The following RMDN2 variants were observed in gnomAD, a reference collection of about 807,000 sequenced individuals.
RMDN2 encodes regulator of microtubule dynamics protein 2.
RMDN2 carries 61 observed loss-of-function variants against 52.8 expected under a neutral mutation model. The observed-to-expected ratio is 1.16, with a 90% CI of 0.94 to 1.43. The LOEUF (loss-of-function observed/expected upper bound fraction) is 1.43, where lower values mean the gene tolerates loss of function less well. Ranked by LOEUF, RMDN2 falls within the 40% of genes most tolerant of loss-of-function variation. RMDN2 has a pLI of 0.00. For missense variants in RMDN2, 592 were observed against 475.3 expected (o/e 1.25, Z -2.28); for synonymous variants, 180 against 153.1 (o/e 1.18, Z -1.30).
rs566792277 is a variant in RMDN2, at chr2:37,925,695, G to T, written c.-17+270G>T. On this transcript the variant is annotated intron_variant, in intron 1 of 10. Transcript: ENST00000354545. Reference sequence around the variant, plus strand: ...GGTCGCTGGTATTTCCTCGCACGCGGACCCTTCTGGGGTGCGTGGGGAACA... The same window carrying T: ...GGTCGCTGGTATTTCCTCGCACGCGTACCCTTCTGGGGTGCGTGGGGAACA... 3.9e-5 allele frequency among the ~76,000 whole-genome samples: 6 copies of T among 152,360 alleles called. No homozygotes were observed. In the East Asian group the frequency reaches 1.2e-3, roughly 29 times the overall value.
At chr2:37,937,788 G>A (rs974649874) in intron 2 of RMDN2, among the ~76,000 whole-genome samples, 1 of 152,090 alleles carries the variant, frequency 6.6e-6, no homozygotes, top group Non-Finnish European at 1.5e-5. Context: ...GGAGATTTGG[G>A]GCTGAGACGA....
At chr2:38,003,172 A>G (rs1676540459) in intron 8 of RMDN2, 6 of 152,238 alleles carry the variant, frequency 3.9e-5, no homozygotes, top group Admixed American at 3.9e-4. Context: ...CTCCTGTGGA[A>G]TATGTTGAAA....
intron 2 of RMDN2, among the ~76,000 whole-genome samples, chr2:37,932,788 C>T (rs1487333087): frequency 1.3e-3 from 166 of 128,326 alleles, no homozygotes; most frequent in African/African-American, 4.4e-3. Flanking sequence ...CCTCACCTCC[C>T]GGACGGGGCG....
chr2:37,971,544 T>G (rs1460375934), intron 2 of RMDN2, among the ~76,000 whole-genome samples: 1 of 152,174 alleles, frequency 6.6e-6, no homozygotes, highest in Non-Finnish European at 1.5e-5. Flanking sequence ...TTATGTTTTT[T>G]AAAAATATAA....
intron 10 of RMDN2, among the ~76,000 whole-genome samples, chr2:38,016,404 C>T (rs561798415): frequency 6.6e-6 from 1 of 152,308 alleles, no homozygotes; most frequent in East Asian, 1.9e-4. Flanking sequence ...ACACCTCATC[C>T]AGAGAGTTAA....
chr2:37,960,256 A>G (rs1670027451), intron 2 of RMDN2, among the ~76,000 whole-genome samples: 1 of 152,150 alleles, frequency 6.6e-6, no homozygotes, highest in South Asian at 2.1e-4. Flanking sequence ...AAAGTCTCCC[A>G]CTATTAATGT....
At chr2:38,008,832 G>T (rs1254392467) in intron 10 of RMDN2, among the ~76,000 whole-genome samples, 1 of 152,216 alleles carries the variant, frequency 6.6e-6, no homozygotes, top group African/African-American at 2.4e-5. Flanking sequence ...TGTTTTTGCA[G>T]TGGCTGGTAC....
rs936805930 is a variant in RMDN2 at position 37,951,280 on chromosome 2, A to G, written c.452+21551A>G. Reference sequence around the variant, plus strand: ...TTCCAACGATGTTCTCCAGAAGATCAAGTTAGTACAGACGCCCAGCATCGT... The same window carrying G: ...TTCCAACGATGTTCTCCAGAAGATCGAGTTAGTACAGACGCCCAGCATCGT... On this transcript the variant is annotated intron_variant, in intron 2 of 10. Transcript: ENST00000354545. 3 of 1,606,136 alleles carry G rather than the reference A, an allele frequency of 1.9e-6. No individual in the cohort carries two copies. Among genetic ancestry groups the G allele is most frequent in the Non-Finnish European group, 2.5e-6 (3 of 1,177,730 alleles).
chr2:37,973,950 G>A, intron 2 of RMDN2, 90 bp from the exon 3 acceptor site: 2 of 1,010,878 alleles, frequency 2.0e-6, no homozygotes, highest in South Asian at 1.4e-5. Flanking sequence ...AAGCATAAGA[G>A]GGGCATGATT....
At chr2:38,021,448 C>T (rs770926137), downstream of RMDN2, among the ~76,000 whole-genome samples, 2 of 152,066 alleles carry the variant, frequency 1.3e-5, no homozygotes, top group African/African-American at 4.8e-5. Flanking sequence ...GCTGCTCACT[C>T]GGTCCACACT....
At chr2:37,995,322 G>GACTACTACTACTACT (rs3056282) in intron 7 of RMDN2, among the ~76,000 whole-genome samples, 1,619 of 147,196 alleles carry the variant, frequency 0.011, 12 homozygotes, top group Non-Finnish European at 0.011. Flanking sequence ...AAGAGGGGAT[G>GACTACTACTACTACT]ACTACTACTA....
At chr2:37,943,933 C>G (rs768186752) in intron 2 of RMDN2, among the ~76,000 whole-genome samples, 3 of 152,022 alleles carry the variant, frequency 2.0e-5, no homozygotes, top group African/African-American at 7.2e-5. Flanking sequence ...TAAGAAAAAA[C>G]GATGGTCATA....
intron 6 of RMDN2, 142 bp from the exon 7 acceptor site, chr2:37,991,078 A>T (rs1674725279): frequency 4.9e-6 from 2 of 409,282 alleles, no homozygotes; most frequent in Non-Finnish European, 8.9e-6. Flanking sequence ...GTTATTGATA[A>T]GATTTCATTG....
At chr2:37,934,178 C>T (rs911875915) in intron 2 of RMDN2, among the ~76,000 whole-genome samples, 1 of 152,200 alleles carries the variant, frequency 6.6e-6, no homozygotes, top group African/African-American at 2.4e-5. Context: ...TCTAATACTA[C>T]TTGTTTCACA....
chr2:37,926,803 G>A (rs923231616), intron 1 of RMDN2, among the ~76,000 whole-genome samples: 2 of 152,178 alleles, frequency 1.3e-5, no homozygotes, highest in African/African-American at 2.4e-5. Flanking sequence ...GGGCGTGGTT[G>A]CCCACGCTTG....
intron 10 of RMDN2, among the ~76,000 whole-genome samples, chr2:38,006,379 TG>T (rs1395858380): frequency 5.9e-5 from 9 of 152,338 alleles, no homozygotes; most frequent in Admixed American, 1.3e-4. Context: ...TTTATTTCAT[TG>T]GAGCAGTGGT....
chr2:38,002,305 A>G (rs1487191992), intron 8 of RMDN2, among the ~76,000 whole-genome samples: 1 of 152,202 alleles, frequency 6.6e-6, no homozygotes, highest in Non-Finnish European at 1.5e-5. Context: ...AGCATATGGG[A>G]AAAAGTATGT....
chr2:37,980,158 G>GATA (rs1043039719), intron 4 of RMDN2, among the ~76,000 whole-genome samples: 5 of 151,974 alleles, frequency 3.3e-5, no homozygotes, highest in African/African-American at 9.7e-5. Flanking sequence ...GTCTCTTCAA[G>GATA]ATAATAATAA....
chr2:38,013,395 A>T (rs187506412), intron 10 of RMDN2, among the ~76,000 whole-genome samples: 1 of 152,364 alleles, frequency 6.6e-6, no homozygotes, highest in Non-Finnish European at 1.5e-5. Flanking sequence ...TTCTAAGACA[A>T]ACAGACTCAT....
Sources: gnomAD v4.1 joint callset for allele counts (sites outside exome capture counted in the v4.1 genomes callset) on GRCh38, gnomAD v4.1.1 for gene constraint, MANE v1.5 for transcripts, NCBI Gene and HGNC (gene_info 2026-07-23, HGNC 2026-07-21) for gene names.